The following DOCK2 variants were observed in gnomAD, a reference collection of about 807,000 sequenced individuals.
The protein encoded by DOCK2 is dedicator of cytokinesis protein 2.
A neutral mutation model predicts 248.9 loss-of-function variants in DOCK2; 87 were observed. The observed-to-expected ratio is 0.35, with a 90% CI of 0.29 to 0.42. The LOEUF is 0.42. Among genes scored for constraint, DOCK2 ranks in the 10% least tolerant of loss-of-function variants. DOCK2 has a pLI of 1.00. For synonymous variants in DOCK2, 805 were observed against 821.6 expected, an observed-to-expected ratio of 0.98 and a Z score of 0.35; for missense variants, 1,747 against 2,300.2, an observed-to-expected ratio of 0.76 and a Z score of 4.92.
intron 2 of DOCK2, among the ~76,000 whole-genome samples, chr5:169,668,360 G>T (rs1383770195): frequency 6.6e-6 from 1 of 152,042 alleles, no homozygotes; most frequent in African/African-American, 2.4e-5. Flanking sequence ...GCCCCCTGTT[G>T]CTTCAGAGTT....
In DOCK2 at chr5:169,845,254, A is replaced by C. The variant is rs376385249; in HGVS notation, c.2799+4402A>C. Among the ~76,000 whole-genome samples the C allele has an allele frequency of 2.0e-5, 3 of 148,522 alleles. No individual in the cohort carries two copies. In the South Asian group the frequency reaches 6.5e-4, roughly 32 times the overall value. ...TGCTGCTTTTGGCCCACCTGTCCCC[A>C]CTCCCTCCCCACTTGGGCTGGACAA... On this transcript the variant is annotated intron_variant, in intron 27 of 51. Coordinates refer to ENST00000520908, the MANE Select transcript of DOCK2 (RefSeq NM_004946.3).
intron 26 of DOCK2, among the ~76,000 whole-genome samples, chr5:169,816,527 T>A (rs1218789679): frequency 6.6e-6 from 1 of 152,182 alleles, no homozygotes; most frequent in African/African-American, 2.4e-5. Flanking sequence ...TTAATTTTCC[T>A]CTCCAACCAC....
chr5:170,076,756 A>G (rs921508555), intron 47 of DOCK2, among the ~76,000 whole-genome samples: 1 of 152,240 alleles, frequency 6.6e-6, no homozygotes, highest in Non-Finnish European at 1.5e-5. Flanking sequence ...GAATTACTGG[A>G]AGAACCTACA....
chr5:169,847,066 G>A (rs1193006990), intron 27 of DOCK2, among the ~76,000 whole-genome samples: 2 of 152,168 alleles, frequency 1.3e-5, no homozygotes, highest in African/African-American at 4.8e-5. Context: ...GTTCCATGGT[G>A]CATATATCCC....
chr5:169,695,037 A>C (rs1299393853), intron 9 of DOCK2: 1 of 152,242 alleles, frequency 6.6e-6, no homozygotes, highest in Non-Finnish European at 1.5e-5. Context: ...GACCCCTTGA[A>C]GTCAGGTGCG....
intron 28 of DOCK2, among the ~76,000 whole-genome samples, chr5:169,984,659 G>A (rs1778021972): frequency 6.6e-6 from 1 of 152,090 alleles, no homozygotes; most frequent in East Asian, 1.9e-4. Flanking sequence ...GCACACACGT[G>A]CGCACACACA....
chr5:169,738,172 G>A (rs932418430), intron 22 of DOCK2, among the ~76,000 whole-genome samples: 7 of 152,196 alleles, frequency 4.6e-5, no homozygotes, highest in Non-Finnish European at 7.3e-5. Context: ...TCATGGTTGC[G>A]GCATGGGAGC....
At chr5:169,794,276 G>A (rs1218650203) in intron 25 of DOCK2, among the ~76,000 whole-genome samples, 3 of 151,964 alleles carry the variant, frequency 2.0e-5, no homozygotes, top group Admixed American at 6.6e-5. Flanking sequence ...TTTTGTACTC[G>A]GCTTGGCCTC....
At chr5:169,922,318 C>A (rs969550358) in intron 27 of DOCK2, among the ~76,000 whole-genome samples, 1 of 152,028 alleles carries the variant, frequency 6.6e-6, no homozygotes, top group Non-Finnish European at 1.5e-5. Context: ...TATGCAGAAC[C>A]CCTGATAATA....
intron 27 of DOCK2, among the ~76,000 whole-genome samples, chr5:169,927,390 G>A (rs918580659): frequency 1.3e-5 from 2 of 152,162 alleles, no homozygotes; most frequent in Non-Finnish European, 2.9e-5. Flanking sequence ...CCCATCCCTA[G>A]AGATGGGGAC....
At chr5:169,932,463 T>C (rs1438993733) in intron 27 of DOCK2, among the ~76,000 whole-genome samples, 2 of 152,026 alleles carry the variant, frequency 1.3e-5, no homozygotes, top group African/African-American at 4.8e-5. Flanking sequence ...GAGGGAGGCT[T>C]TGGAGATCTC....
rs139970628 is a variant in DOCK2 at position 169,798,295 on chromosome 5, C to T, written c.2555-4763C>T. ...ATTCAGTTCATCCCTTCATCTGATACTTTACCTCTTCCTTGTGCCTATCTA... is the reference window on the plus strand; with the variant it reads ...ATTCAGTTCATCCCTTCATCTGATATTTTACCTCTTCCTTGTGCCTATCTA... On this transcript the variant is annotated intron_variant, in intron 25 of 51. Transcript: ENST00000520908. Among the ~76,000 whole-genome samples the T allele has an allele frequency of 4.0e-5, 6 of 149,936 alleles. 1 individual carries two copies. The East Asian group carries it at 1.2e-3, about 30-fold the overall frequency.
chr5:169,771,441 G>A (rs1168224729), intron 25 of DOCK2, among the ~76,000 whole-genome samples: 4 of 151,928 alleles, frequency 2.6e-5, no homozygotes, highest in East Asian at 1.9e-4. Flanking sequence ...GTGCCACCAC[G>A]CCTGGCTAAT....
Position 169,843,552 on chromosome 5 carries a change from C to T in DOCK2, c.2799+2700C>T, listed in dbSNP as rs567517747. 2.0e-5 allele frequency among the ~76,000 whole-genome samples: 3 copies of T among 152,268 alleles called. No individual in the cohort carries two copies. In the East Asian group the frequency reaches 5.8e-4, roughly 29 times the overall value. On this transcript the variant is annotated intron_variant, in intron 27 of 51. Coordinates refer to ENST00000520908, the MANE Select transcript of DOCK2 (RefSeq NM_004946.3). ...AAACAAATAAACAAATAAATAAAAA[C>T]AGTTTTATTGAAGTATAGTTTATAC...
At chr5:170,006,839 G>T (rs1321277801) in intron 30 of DOCK2, among the ~76,000 whole-genome samples, 1 of 152,202 alleles carries the variant, frequency 6.6e-6, no homozygotes, top group Admixed American at 6.5e-5. Flanking sequence ...ACCGTGGTGT[G>T]TTAAAAGAAC....
intron 26 of DOCK2, among the ~76,000 whole-genome samples, chr5:169,818,490 T>C (rs111245033): frequency 6.6e-6 from 1 of 152,228 alleles, no homozygotes; most frequent in East Asian, 1.9e-4. Flanking sequence ...GGGGCCTCTC[T>C]GAGCCTCAGC....
At chr5:169,815,164 T>C (rs1018680768) in intron 26 of DOCK2, among the ~76,000 whole-genome samples, 1 of 152,202 alleles carries the variant, frequency 6.6e-6, no homozygotes, top group Admixed American at 6.5e-5. Context: ...GACTTGAGTG[T>C]CACCTGATCT....
intron 22 of DOCK2, among the ~76,000 whole-genome samples, chr5:169,733,621 A>T (rs910378164): frequency 3.3e-5 from 5 of 152,134 alleles, no homozygotes; most frequent in Non-Finnish European, 5.9e-5. Flanking sequence ...TTGTAGACTT[A>T]ACTTTAAGAA....
At chr5:170,009,444 G>A (rs1755199012) in intron 32 of DOCK2, among the ~76,000 whole-genome samples, 1 of 152,210 alleles carries the variant, frequency 6.6e-6, no homozygotes, top group Non-Finnish European at 1.5e-5. Context: ...TCCAAGTGTG[G>A]TTTTGATTCC....
Sources: allele counts gnomAD v4.1 joint callset (sites outside exome capture counted in the v4.1 genomes callset), GRCh38; gene constraint gnomAD v4.1.1; transcripts MANE v1.5; gene names NCBI Gene and HGNC (gene_info 2026-07-23, HGNC 2026-07-21).